Variants in LMCD1 observed in about 807,000 individuals in gnomAD.
The protein encoded by LMCD1 is LIM and cysteine rich domains 1, also known as LIM and cysteine-rich domains protein 1.
Under a neutral mutation model 42.7 loss-of-function variants are expected in LMCD1, and 32 were observed. That is an observed-to-expected ratio of 0.75 (90% CI 0.57 to 1.01). The LOEUF (loss-of-function observed/expected upper bound fraction) is 1.01. Among genes scored for constraint, LMCD1 ranks in the 50% least tolerant of loss-of-function variants. LMCD1 has a pLI of 0.00. For synonymous variants in LMCD1, 178 were observed against 184.9 expected (o/e 0.96, Z 0.30); for missense variants, 458 against 483.1 (o/e 0.95, Z 0.49).
At position 8,548,746 on chromosome 3, in the gene LMCD1, A is replaced by G. The variant is rs200828317; in HGVS notation, c.566A>G (p.Tyr189Cys). The change falls in exon 4 of 6, where the codon TAT becomes TGT. Residue 189 changes from tyrosine (Y) to cysteine (C), a missense_variant. By Grantham distance (194) the Tyr-to-Cys change is radical. Coordinates refer to ENST00000157600, the MANE Select transcript of LMCD1 (RefSeq NM_014583.4). ...LKLMEEFVKQ[Y>C]KSEALGVGEV... ...CTGATGGAAGAATTTGTCAAGCAAT[A>G]TAAGAGCGAGGCCCTCGGCGTGGGA... 5.4e-5 allele frequency: 87 copies of G among 1,614,104 alleles called. No homozygotes were observed. In the Admixed American group the frequency reaches 1.3e-3, roughly 24 times the overall value.
rs1204179792 is a variant in LMCD1 at position 8,502,323 on chromosome 3, A to ATATATATTT, written c.42+349_42+350insTTTTATATA. Among the ~76,000 whole-genome samples, 31 of 66,040 alleles carry ATATATATTT rather than the reference A, an allele frequency of 4.7e-4. 2 individuals are homozygous for ATATATATTT. The highest frequency in any genetic ancestry group is 2.4e-3 in the African/African-American group (31 of 13,074). 43.3% of individuals were successfully genotyped at this position (66,040 alleles called of 152,430 possible). ...ATATATAATATATAAAATATATATTATATATAATATATATTATATATAAAA... is the reference window on the plus strand; with the variant it reads ...ATATATAATATATAAAATATATATTATATATATTTTATATAATATATATTATATATAAAA... On this transcript the variant is annotated intron_variant, in intron 1 of 5. Coordinates refer to ENST00000157600, the MANE Select transcript of LMCD1 (RefSeq NM_014583.4).
chr3:8,543,775 C>G (rs879038995), intron 3 of LMCD1, among the ~76,000 whole-genome samples: 2 of 152,202 alleles, frequency 1.3e-5, no homozygotes, highest in Non-Finnish European at 2.9e-5. Context: ...TTAAAGTGCT[C>G]ATTTCTAGGG....
At chr3:8,539,404 TTAGTACTAGACAGGGGCTTGTCCCG>T (rs1467679447) in intron 3 of LMCD1, among the ~76,000 whole-genome samples, 1 of 152,196 alleles carries the variant, frequency 6.6e-6, no homozygotes, top group Non-Finnish European at 1.5e-5. Context: ...TCAAAAGTTT[TTAGTACTAGACAGGGGCTTGTCCCG>T]GGCCACAGAG....
In LMCD1 at chr3:8,567,674, G is replaced by A. The variant is rs1695152203; in HGVS notation, c.*76G>A. The A allele has an allele frequency of 6.9e-7, 1 of 1,440,878 alleles. No individual in the cohort carries two copies. The highest frequency in any genetic ancestry group is 9.4e-7 in the Non-Finnish European group (1 of 1,063,260). 89.3% of individuals were successfully genotyped at this position (1,440,878 alleles called of 1,614,324 possible). ...GCCAGGTGTGCCGAGACCATCCTAA[G>A]GGTCCGATGTGACAGCAAGCAAGTG... is the stretch of plus-strand genomic sequence containing the variant. On this transcript the variant is annotated 3_prime_UTR_variant, in exon 6 of 6. Transcript: ENST00000157600.
intron 3 of LMCD1, among the ~76,000 whole-genome samples, chr3:8,539,738 G>A (rs1048246973): frequency 1.3e-5 from 2 of 151,670 alleles, no homozygotes; most frequent in Non-Finnish European, 2.9e-5. Context: ...GGCGTCCAGG[G>A]CAAGTCCCAT....
intron 1 of LMCD1, among the ~76,000 whole-genome samples, chr3:8,516,416 AG>A (rs1021898371): frequency 1.3e-5 from 2 of 152,124 alleles, no homozygotes; most frequent in African/African-American, 4.8e-5. Context: ...CCAGTGGAAA[AG>A]TTCCATCTGC....
chr3:8,547,959 T>C (rs1389700406), intron 3 of LMCD1, among the ~76,000 whole-genome samples: 1 of 152,198 alleles, frequency 6.6e-6, no homozygotes, highest in African/African-American at 2.4e-5. Context: ...CTACGCAGTA[T>C]AGCCTATTGC....
intron 3 of LMCD1, among the ~76,000 whole-genome samples, chr3:8,541,323 G>T (rs180859771): frequency 2.6e-5 from 4 of 152,308 alleles, no homozygotes; most frequent in African/African-American, 9.6e-5. Flanking sequence ...GCCGAGGCAG[G>T]TGGATCACCT....
At chr3:8,507,378 C>A (rs539334558) in intron 1 of LMCD1, among the ~76,000 whole-genome samples, 2 of 152,258 alleles carry the variant, frequency 1.3e-5, no homozygotes, top group East Asian at 3.9e-4. Flanking sequence ...TGTGTTTTCA[C>A]AAAAACAGAA....
intron 3 of LMCD1, among the ~76,000 whole-genome samples, chr3:8,546,035 AG>A (rs1694729472): frequency 6.6e-6 from 1 of 152,160 alleles, no homozygotes; most frequent in Non-Finnish European, 1.5e-5. Flanking sequence ...TCTCCTGCTG[AG>A]GCAGGAGAAT....
At chr3:8,508,920 C>T (rs955466176) in intron 1 of LMCD1, among the ~76,000 whole-genome samples, 4 of 152,192 alleles carry the variant, frequency 2.6e-5, no homozygotes, top group African/African-American at 9.7e-5. Context: ...CCAGAAGCCA[C>T]TTCGAGGAGC....
chr3:8,502,023 T>A (rs752898453), intron 1 of LMCD1, 43 bp downstream of exon 1: 1 of 1,420,490 alleles, frequency 7.0e-7, no homozygotes, highest in Non-Finnish European at 9.2e-7. Context: ...TCTTACTTTT[T>A]CTTGTTCCCC....
chr3:8,555,176 G>A (rs888683608), intron 4 of LMCD1, among the ~76,000 whole-genome samples: 33 of 151,920 alleles, frequency 2.2e-4, no homozygotes, highest in African/African-American at 7.7e-4. Context: ...GGAGGCCTCC[G>A]TCCCCTCCCT....
chr3:8,525,214 C>T (rs533532313), intron 1 of LMCD1, among the ~76,000 whole-genome samples: 1 of 152,340 alleles, frequency 6.6e-6, no homozygotes, highest in East Asian at 1.9e-4. Context: ...TCCTCAGCCT[C>T]TGGCAACCAC....
chr3:8,504,933 C>T (rs1022605748), intron 1 of LMCD1, among the ~76,000 whole-genome samples: 4 of 152,194 alleles, frequency 2.6e-5, no homozygotes, highest in African/African-American at 9.6e-5. Flanking sequence ...TCCCAGCTCC[C>T]CCACTTACTA....
intron 3 of LMCD1, among the ~76,000 whole-genome samples, chr3:8,539,396 A>G (rs1183890195): frequency 6.6e-6 from 1 of 152,196 alleles, no homozygotes; most frequent in Non-Finnish European, 1.5e-5. Context: ...ATTGGCTTTC[A>G]AAAGTTTTTA....
intron 1 of LMCD1, among the ~76,000 whole-genome samples, chr3:8,514,567 T>C (rs536336535): frequency 2.0e-5 from 3 of 152,208 alleles, no homozygotes; most frequent in Admixed American, 1.3e-4. Flanking sequence ...GCAAAAATAT[T>C]TGGAGCCATG....
chr3:8,523,094 T>G lies in LMCD1; in HGVS notation c.43-9643T>G, dbSNP rs1202702890. ...CAATTGTGTTCTCATTCTGTTGCTTTAAATAGTATTGATCTTTAAAAGCAA... is the reference window on the plus strand; with the variant it reads ...CAATTGTGTTCTCATTCTGTTGCTTGAAATAGTATTGATCTTTAAAAGCAA... On this transcript the variant is annotated intron_variant, in intron 1 of 5. Coordinates refer to ENST00000157600, the MANE Select transcript of LMCD1 (RefSeq NM_014583.4). 2.0e-5 allele frequency among the ~76,000 whole-genome samples: 3 copies of G among 152,380 alleles called. No individual in the cohort carries two copies. The East Asian group carries it at 5.8e-4, about 29-fold the overall frequency.
At position 8,550,780 on chromosome 3, in the gene LMCD1, G is replaced by T. The variant is rs539563849; in HGVS notation, c.723+1877G>T. 62 of 985,214 alleles carry T rather than the reference G, an allele frequency of 6.3e-5. 1 individual carries two copies. In the South Asian group the frequency reaches 2.6e-3, roughly 41 times the overall value. 61.0% of individuals were successfully genotyped at this position (985,214 alleles called of 1,614,324 possible). On this transcript the variant is annotated intron_variant, in intron 4 of 5. Transcript: ENST00000157600. ...TCTGTCCACCCTCAAATAGCTGTTT[G>T]TTCATAAACCCTAAATACTAGATAA...
Sources: gnomAD v4.1 joint callset for allele counts (sites outside exome capture counted in the v4.1 genomes callset) on GRCh38, gnomAD v4.1.1 for gene constraint, MANE v1.5 for transcripts, NCBI Gene and HGNC (gene_info 2026-07-23, HGNC 2026-07-21) for gene names.